The following GABBR2 variants were observed in gnomAD, a reference collection of about 807,000 sequenced individuals.
The protein encoded by GABBR2 is gamma-aminobutyric acid type B receptor subunit 2, also known as G-protein coupled receptor 51.
Under a neutral mutation model 105.6 loss-of-function variants are expected in GABBR2, and 23 were observed. That is an observed-to-expected ratio of 0.22 (90% CI 0.16 to 0.31). The LOEUF is 0.31. Among genes scored for constraint, GABBR2 ranks in the 10% least tolerant of loss-of-function variants. The pLI is 1.00. For missense variants in GABBR2, 734 were observed against 1,245.5 expected (o/e 0.59, Z 6.18); for synonymous variants, 478 against 499.7 (o/e 0.96, Z 0.58).
intron 1 of GABBR2, among the ~76,000 whole-genome samples, chr9:98,609,462 G>A (rs904826306): frequency 2.6e-5 from 4 of 152,136 alleles, no homozygotes; most frequent in East Asian, 1.9e-4. Flanking sequence ...TCAAGTGAAC[G>A]TCGGGGAGGA....
chr9:98,374,856 C>T (rs1831845709), intron 11 of GABBR2, among the ~76,000 whole-genome samples: 1 of 152,146 alleles, frequency 6.6e-6, no homozygotes, highest in Non-Finnish European at 1.5e-5. Context: ...GCGAGTATGA[C>T]TGTGTGCTGA....
At chr9:98,367,839 G>C (rs1015293535) in intron 12 of GABBR2, among the ~76,000 whole-genome samples, 1 of 152,164 alleles carries the variant, frequency 6.6e-6, no homozygotes, top group Non-Finnish European at 1.5e-5. Flanking sequence ...TGTTTTGAAA[G>C]GGTTGTGACA....
chr9:98,319,328 C>T (rs184912525), intron 13 of GABBR2, among the ~76,000 whole-genome samples: 44 of 152,292 alleles, frequency 2.9e-4, no homozygotes, highest in African/African-American at 2.2e-4. Flanking sequence ...CTTCCAGATC[C>T]CTCAGGGGCT....
Position 98,573,286 on chromosome 9 carries a change from T to A in GABBR2, c.459+4649A>T, listed in dbSNP as rs116764698. Among the ~76,000 whole-genome samples, 11 of 152,254 alleles carry A rather than the reference T, an allele frequency of 7.2e-5. No homozygotes were observed. In the East Asian group the frequency reaches 1.7e-3, roughly 24 times the overall value. ...AACAAATTATTTTTCACAACACTTATTATTTTTTTTAATAGAGGCAGGGTA... is the reference window on the plus strand; with the variant it reads ...AACAAATTATTTTTCACAACACTTAATATTTTTTTTAATAGAGGCAGGGTA... On this transcript the variant is annotated intron_variant, in intron 2 of 18. Coordinates refer to ENST00000259455, the MANE Select transcript of GABBR2 (RefSeq NM_005458.8).
intron 1 of GABBR2, among the ~76,000 whole-genome samples, chr9:98,701,407 TG>T (rs1332825030): frequency 6.6e-6 from 1 of 152,132 alleles, no homozygotes; most frequent in Admixed American, 6.5e-5. Context: ...CGGGGTTTGG[TG>T]CTGGTAGGCA....
intron 6 of GABBR2, among the ~76,000 whole-genome samples, chr9:98,471,962 C>A (rs748763712): frequency 1.3e-5 from 2 of 152,144 alleles, no homozygotes; most frequent in African/African-American, 4.8e-5. Flanking sequence ...GGTGCCAGTA[C>A]GAGCTAAAGA....
At chr9:98,655,898 T>C (rs1830177446) in intron 1 of GABBR2, among the ~76,000 whole-genome samples, 4 of 151,874 alleles carry the variant, frequency 2.6e-5, no homozygotes, top group Admixed American at 2.6e-4. Context: ...CACGGGTTGA[T>C]GGGTGCAGCA....
At chr9:98,599,554 C>G (rs1251077382) in intron 1 of GABBR2, among the ~76,000 whole-genome samples, 1 of 152,218 alleles carries the variant, frequency 6.6e-6, no homozygotes, top group South Asian at 2.1e-4. Flanking sequence ...TTTCTCCTGA[C>G]CTGATGGAGG....
intron 5 of GABBR2, among the ~76,000 whole-genome samples, chr9:98,480,465 G>T (rs1826892890): frequency 6.6e-6 from 1 of 152,164 alleles, no homozygotes; most frequent in African/African-American, 2.4e-5. Flanking sequence ...GCTTCACATG[G>T]TTATTGAAAA....
At chr9:98,472,470 C>G (rs1826703451) in intron 6 of GABBR2, among the ~76,000 whole-genome samples, 1 of 152,178 alleles carries the variant, frequency 6.6e-6, no homozygotes, top group Non-Finnish European at 1.5e-5. Context: ...CATCAAGGTG[C>G]CAGACACCAT....
Position 98,321,981 on chromosome 9 carries a change from T to G in GABBR2, c.1894-10776A>C. On this transcript the variant is annotated intron_variant, in intron 13 of 18. Transcript: ENST00000259455. ...CTCTTGGTCCCCTCTTTCTTCCCCT[T>G]CAGCAAGCTTCTTGAAAAAGGAGTC... 1.3e-5 allele frequency among the ~76,000 whole-genome samples: 2 copies of G among 152,120 alleles called. 1 individual carries two copies. Among genetic ancestry groups the G allele is most frequent in the Non-Finnish European group, 2.9e-5 (2 of 68,008 alleles).
chr9:98,322,519 G>C (rs998952), intron 13 of GABBR2, among the ~76,000 whole-genome samples: 29,136 of 151,472 alleles, frequency 0.19, 3,511 homozygotes, highest in South Asian at 0.28. Context: ...CTAATTCCAT[G>C]CTCCAAGACC....
rs965842651 is a variant in GABBR2, at chr9:98,667,213, T to G, written c.321+41204A>C. Reference sequence around the variant, plus strand: ...TGTTTCCCAAAGCCCACTGTAGCAGTGGGGGTTGTAGTTTGTCCCTCTAAC... The same window carrying G: ...TGTTTCCCAAAGCCCACTGTAGCAGGGGGGGTTGTAGTTTGTCCCTCTAAC... On this transcript the variant is annotated intron_variant, in intron 1 of 18. Transcript: ENST00000259455. 1.1e-4 allele frequency among the ~76,000 whole-genome samples: 16 copies of G among 152,076 alleles called. 1 individual carries two copies. The highest frequency in any genetic ancestry group is 1.0e-3 in the Admixed American group (16 of 15,262).
chr9:98,333,977 T>G (rs1343538551), intron 13 of GABBR2, among the ~76,000 whole-genome samples: 1 of 152,212 alleles, frequency 6.6e-6, no homozygotes, highest in Non-Finnish European at 1.5e-5. Flanking sequence ...ACTGAATGAG[T>G]TGATAAAGCA....
rs1250824579 is a variant in GABBR2 at position 98,436,409 on chromosome 9, T to A, written c.1236+17572A>T. Among the ~76,000 whole-genome samples the A allele has an allele frequency of 4.1e-5, 2 of 48,264 alleles. 1 individual carries two copies. Among genetic ancestry groups the A allele is most frequent in the African/African-American group, 1.7e-4 (2 of 11,568 alleles). 31.7% of individuals were successfully genotyped at this position (48,264 alleles called of 152,430 possible). ...TATATATATATATATATATATATAGTATGGCGTTCTTTCTTCTACTACCAC... is the reference window on the plus strand; with the variant it reads ...TATATATATATATATATATATATAGAATGGCGTTCTTTCTTCTACTACCAC... On this transcript the variant is annotated intron_variant, in intron 7 of 18. Coordinates refer to ENST00000259455, the MANE Select transcript of GABBR2 (RefSeq NM_005458.8).
At chr9:98,349,556 G>T (rs1051917784) in intron 13 of GABBR2, among the ~76,000 whole-genome samples, 1 of 151,722 alleles carries the variant, frequency 6.6e-6, no homozygotes, top group Non-Finnish European at 1.5e-5. Flanking sequence ...GGGTTTCACC[G>T]TGTTGGTCAG....
intron 1 of GABBR2, among the ~76,000 whole-genome samples, chr9:98,591,523 A>G (rs1290869028): frequency 6.6e-6 from 1 of 152,146 alleles, no homozygotes; most frequent in Non-Finnish European, 1.5e-5. Context: ...AGGAAGACCC[A>G]ATGGGGAGGA....
At chr9:98,479,603 C>A (rs1826868855) in intron 5 of GABBR2, among the ~76,000 whole-genome samples, 1 of 152,236 alleles carries the variant, frequency 6.6e-6, no homozygotes, top group Non-Finnish European at 1.5e-5. Context: ...CCACACGTGA[C>A]CACGGCTTGC....
chr9:98,565,309 G>A (rs1051653018), intron 2 of GABBR2, among the ~76,000 whole-genome samples: 7 of 152,190 alleles, frequency 4.6e-5, no homozygotes, highest in African/African-American at 1.7e-4. Context: ...CAGCCCCTGA[G>A]CACTTGCCTG....
Sources: allele counts gnomAD v4.1 joint callset (sites outside exome capture counted in the v4.1 genomes callset), GRCh38; gene constraint gnomAD v4.1.1; transcripts MANE v1.5; gene names NCBI Gene and HGNC (gene_info 2026-07-23, HGNC 2026-07-21).